The following NDUFA10 variants were observed in gnomAD, a reference collection of about 807,000 sequenced individuals.
NDUFA10 encodes the protein NADH:ubiquinone oxidoreductase subunit A10, also known as NADH dehydrogenase [ubiquinone] 1 alpha subcomplex subunit 10, mitochondrial.
A neutral mutation model predicts 47.8 loss-of-function variants in NDUFA10; 40 were observed. The observed-to-expected ratio is 0.84, with a 90% CI of 0.65 to 1.09. The LOEUF is 1.09. NDUFA10 is among the 50% of genes least tolerant of loss of function. NDUFA10 has a pLI of 0.00. For synonymous variants in NDUFA10, 183 were observed against 172.2 expected (o/e 1.06, Z -0.49); for missense variants, 413 against 451.1 (o/e 0.92, Z 0.76).
At chr2:239,933,856 T>C (rs1694219195) in intron 4 of NDUFA10, among the ~76,000 whole-genome samples, 1 of 151,564 alleles carries the variant, frequency 6.6e-6, no homozygotes, top group African/African-American at 2.4e-5. Flanking sequence ...TGATCCAGTT[T>C]TGTATTTTGA....
chr2:239,896,350 GC>G (rs1693396408), intron 4 of NDUFA10, among the ~76,000 whole-genome samples: 1 of 152,238 alleles, frequency 6.6e-6, no homozygotes, highest in South Asian at 2.1e-4. Context: ...CCAGCACAGA[GC>G]CCTTCTTAAG....
At chr2:239,898,962 A>AG (rs1693459872) in intron 4 of NDUFA10, among the ~76,000 whole-genome samples, 1 of 72,606 alleles carries the variant, frequency 1.4e-5, no homozygotes, top group Admixed American at 1.4e-4. Flanking sequence ...GGGGTGTGGC[A>AG]GGGTGTGATG....
chr2:240,008,157 G>A (rs757084327), intron 6 of NDUFA10, among the ~76,000 whole-genome samples: 1 of 152,130 alleles, frequency 6.6e-6, no homozygotes, highest in Non-Finnish European at 1.5e-5. Flanking sequence ...CTTCCAAAGT[G>A]TAGGAAAAAG....
At chr2:239,962,093 C>T (rs1005062493) in intron 9 of NDUFA10, among the ~76,000 whole-genome samples, 3 of 152,172 alleles carry the variant, frequency 2.0e-5, no homozygotes, top group Non-Finnish European at 4.4e-5. Flanking sequence ...AGGACCACCT[C>T]GTTGCGGAGC....
At chr2:239,948,647 G>A (rs1324642028) in intron 4 of NDUFA10, among the ~76,000 whole-genome samples, 2 of 152,202 alleles carry the variant, frequency 1.3e-5, no homozygotes, top group African/African-American at 4.8e-5. Flanking sequence ...AGCCTCCAGC[G>A]TTCCAAATAC....
At chr2:239,972,826 A>C (rs1695356396) in intron 9 of NDUFA10, among the ~76,000 whole-genome samples, 1 of 152,222 alleles carries the variant, frequency 6.6e-6, no homozygotes, top group African/African-American at 2.4e-5. Flanking sequence ...TCCTAACCTA[A>C]GTGCTTGTTT....
intron 4 of NDUFA10, among the ~76,000 whole-genome samples, chr2:239,949,521 G>A (rs890022038): frequency 6.6e-6 from 1 of 151,998 alleles, no homozygotes; most frequent in Non-Finnish European, 1.5e-5. Flanking sequence ...TTTGTTTTTT[G>A]CTTTTGTTTG....
intron 4 of NDUFA10, among the ~76,000 whole-genome samples, chr2:239,936,914 C>T (rs180757309): frequency 6.0e-4 from 91 of 152,268 alleles, no homozygotes; most frequent in African/African-American, 2.0e-3. Flanking sequence ...GAGCCACAGT[C>T]GCGCCACTGG....
rs1273257220 is a variant in NDUFA10 at position 240,025,207 on chromosome 2, C to T, written c.75+20G>A. The T allele has an allele frequency of 6.9e-7, 1 of 1,451,692 alleles. No homozygotes were observed. Among genetic ancestry groups the T allele is most frequent in the Non-Finnish European group, 9.1e-7 (1 of 1,101,342 alleles). 89.9% of individuals were successfully genotyped at this position (1,451,692 alleles called of 1,614,324 possible). On this transcript the variant is annotated intron_variant, in intron 1 of 9. Transcript: ENST00000252711. ...GCCACCCTGCCACCCCGCCACCCTG[C>T]CACCCCGCCGCCCGCTCACCACGCG...
At position 239,961,191 on chromosome 2, in the gene NDUFA10, G is replaced by T. The variant is rs201255198; in HGVS notation, c.1000-5C>A. ...GCTGTACTTGCGGCCCGGCAGCTGTGGGGGAAAAAGGCATTGGTGCATTCT... is the reference window on the plus strand; with the variant it reads ...GCTGTACTTGCGGCCCGGCAGCTGTTGGGGAAAAAGGCATTGGTGCATTCT... On this transcript the variant is annotated splice_polypyrimidine_tract_variant and splice_region_variant and intron_variant, in intron 9 of 9. Coordinates refer to ENST00000252711, the MANE Select transcript of NDUFA10 (RefSeq NM_004544.4). 4 of 742,166 alleles carry T rather than the reference G, an allele frequency of 5.4e-6. No individual in the cohort carries two copies. The highest frequency in any genetic ancestry group is 5.0e-5 in the South Asian group (3 of 60,166). 46.0% of individuals were successfully genotyped at this position (742,166 alleles called of 1,614,324 possible).
At chr2:239,922,033 C>G (rs1186261510) in intron 4 of NDUFA10, among the ~76,000 whole-genome samples, 1 of 146,626 alleles carries the variant, frequency 6.8e-6, no homozygotes, top group East Asian at 2.0e-4. Flanking sequence ...TCCTTCTTTC[C>G]TTCCTTCCCT....
chr2:239,938,052 GC>G (rs916425085), intron 4 of NDUFA10, among the ~76,000 whole-genome samples: 39 of 152,156 alleles, frequency 2.6e-4, no homozygotes, highest in Admixed American at 7.9e-4. Context: ...CCTTTTCCCT[GC>G]ATCCCTGACG....
At chr2:239,957,362 C>A (rs1170662834), downstream of NDUFA10, 1 of 152,114 alleles carries the variant, frequency 6.6e-6, no homozygotes, top group Non-Finnish European at 1.5e-5. Context: ...AATATAATCA[C>A]CAGGTATAGT....
intron 4 of NDUFA10, among the ~76,000 whole-genome samples, chr2:239,898,919 TTGTGATGGAGGGG>T (rs1476339169): frequency 8.1e-6 from 1 of 123,720 alleles, no homozygotes; most frequent in Non-Finnish European, 1.9e-5. Context: ...TGATGGAAGG[TTGTGATGGAGGGG>T]TGTGACGGAG....
Position 239,907,207 on chromosome 2 carries a change from T to A in NDUFA10, c.295-11893A>T, listed in dbSNP as rs34415352. Among the ~76,000 whole-genome samples the A allele has an allele frequency of 9.9e-3, 1,513 of 152,338 alleles. 29 individuals are homozygous for A. The highest frequency in any genetic ancestry group is 0.082 in the East Asian group (427 of 5,186). On this transcript the variant is annotated intron_variant, in intron 4 of 5. Coordinates refer to the NDUFA10 transcript ENST00000419408. ...GTGCTGGGAAAACTGGCTAGCCATA[T>A]GTAGAAAGCTGAAACTGGATCTCTT...
chr2:239,907,326 C>T (rs1271025534), intron 4 of NDUFA10, among the ~76,000 whole-genome samples: 2 of 152,202 alleles, frequency 1.3e-5, no homozygotes, highest in Non-Finnish European at 2.9e-5. Context: ...TCATTCAGGC[C>T]ATAGGCATGG....
chr2:239,952,170 T>C (rs987649574), intron 4 of NDUFA10, among the ~76,000 whole-genome samples: 1 of 141,816 alleles, frequency 7.1e-6, no homozygotes, highest in Non-Finnish European at 1.5e-5. Flanking sequence ...AATGGGGGCT[T>C]GGTGGGGCAG....
At chr2:239,964,822 C>G (rs940454352) in intron 9 of NDUFA10, among the ~76,000 whole-genome samples, 2 of 152,066 alleles carry the variant, frequency 1.3e-5, no homozygotes, top group Non-Finnish European at 2.9e-5. Flanking sequence ...TTTCTTTTTC[C>G]CTAAAGGACC....
chr2:239,952,615 A>AGAGGCCTCCCTCCCC (rs200749730), downstream of NDUFA10, among the ~76,000 whole-genome samples: 5,803 of 151,606 alleles, frequency 0.038, 386 homozygotes, highest in African/African-American at 0.13. Flanking sequence ...TCTTCCTCCC[A>AGAGGCCTCCCTCCCC]GAGGCCTCCC....
Sources: allele counts gnomAD v4.1 joint callset (sites outside exome capture counted in the v4.1 genomes callset), GRCh38; gene constraint gnomAD v4.1.1; transcripts MANE v1.5; gene names NCBI Gene and HGNC (gene_info 2026-07-23, HGNC 2026-07-21).